Variants in DOCK9 observed in about 807,000 individuals in gnomAD.
The protein encoded by DOCK9 is dedicator of cytokinesis 9.
Under a neutral mutation model 263.3 loss-of-function variants are expected in DOCK9, and 89 were observed. The ratio of observed to expected loss-of-function variants is 0.34; its 90% CI spans 0.28 to 0.40. The LOEUF (loss-of-function observed/expected upper bound fraction) is 0.40, where lower values mean the gene tolerates loss of function less well. Ranked by LOEUF, DOCK9 falls within the 10% of genes least tolerant of loss-of-function variation. The pLI is 1.00. For synonymous variants in DOCK9, 976 were observed against 973.1 expected (o/e 1.00, Z -0.06); for missense variants, 2,140 against 2,603.4 (o/e 0.82, Z 3.87).
intron 2 of DOCK9, among the ~76,000 whole-genome samples, chr13:98,951,651 G>C (rs569670978): frequency 1.3e-5 from 2 of 152,222 alleles, no homozygotes; most frequent in Non-Finnish European, 2.9e-5. Context: ...GGGGGGAAAA[G>C]TTTCTGTGGA....
At chr13:98,970,811 T>C (rs1202600926) in intron 1 of DOCK9, among the ~76,000 whole-genome samples, 2 of 152,184 alleles carry the variant, frequency 1.3e-5, no homozygotes, top group Non-Finnish European at 2.9e-5. Flanking sequence ...CTCACAGTCA[T>C]ATGCTATCTG....
intron 1 of DOCK9, among the ~76,000 whole-genome samples, chr13:99,001,923 A>G (rs1344755597): frequency 2.0e-5 from 3 of 152,142 alleles, no homozygotes; most frequent in Admixed American, 6.5e-5. Flanking sequence ...CTTGACCTGA[A>G]AGTTCCTCAA....
chr13:98,805,431 AC>A (rs2090589592), intron 48 of DOCK9, among the ~76,000 whole-genome samples: 2 of 152,312 alleles, frequency 1.3e-5, no homozygotes, highest in South Asian at 4.1e-4. Context: ...ACACACACAG[AC>A]ATACAGACTT....
chr13:98,904,803 G>T (rs2048841788), intron 9 of DOCK9, 97 bp from the exon 10 acceptor site: 3 of 1,084,434 alleles, frequency 2.8e-6, no homozygotes, highest in Non-Finnish European at 3.9e-6. Context: ...GAAGGTTGAG[G>T]CTGCTGGAAA....
intron 27 of DOCK9, chr13:98,872,060 G>C (rs1050658785): frequency 1.3e-4 from 20 of 152,538 alleles, no homozygotes; most frequent in African/African-American, 4.1e-4. Flanking sequence ...CCGCCCTACA[G>C]GTCATCTGCT....
At chr13:98,937,576 A>G (rs189971842) in intron 2 of DOCK9, among the ~76,000 whole-genome samples, 2 of 152,344 alleles carry the variant, frequency 1.3e-5, no homozygotes, top group East Asian at 1.9e-4. Flanking sequence ...GGAGTCTTAT[A>G]GGAAGTTCCA....
At chr13:98,864,902 ACTC>A (rs2093978329) in intron 30 of DOCK9, among the ~76,000 whole-genome samples, 1 of 150,978 alleles carries the variant, frequency 6.6e-6, no homozygotes, top group South Asian at 2.1e-4. Context: ...GTGGCGCCTC[ACTC>A]CTCGTCTCTT....
chr13:99,006,270 G>A (rs563028847), intron 1 of DOCK9, among the ~76,000 whole-genome samples: 21 of 152,224 alleles, frequency 1.4e-4, no homozygotes, highest in Non-Finnish European at 2.1e-4. Flanking sequence ...GCTGCTAGGA[G>A]TGTAACTTGG....
At chr13:98,940,694 T>C (rs1312248404) in intron 2 of DOCK9, among the ~76,000 whole-genome samples, 1 of 92,708 alleles carries the variant, frequency 1.1e-5, no homozygotes, top group Non-Finnish European at 2.6e-5. Context: ...TCTGCCTCTC[T>C]AACTGCTCCT....
At position 98,810,264 on chromosome 13, in the gene DOCK9, A is replaced by T. The variant is rs1284330741; in HGVS notation, c.5158T>A (p.Cys1720Ser). The T allele has an allele frequency of 6.2e-7, 1 of 1,613,820 alleles. No individual in the cohort carries two copies. Reference protein sequence around the residue: ...EDVLMELLEQCADGLWKAERY... With the variant: ...EDVLMELLEQSADGLWKAERY... Reference sequence around the variant, plus strand: ...TCGGCTTTCCAGAGTCCATCTGCGCACTGCTCAAGGAGCTCCATCAGCACA... The same window carrying T: ...TCGGCTTTCCAGAGTCCATCTGCGCTCTGCTCAAGGAGCTCCATCAGCACA... Residue 1720 changes from cysteine to serine, a missense_variant, in exon 46 of 53, where the codon TGC (cysteine) becomes AGC (serine). Physicochemically the swap from Cys to Ser is moderately radical, Grantham distance 112 (BLOSUM62 -1). Transcript: ENST00000682017.
chr13:98,855,305 G>A (rs1297251695), intron 34 of DOCK9, among the ~76,000 whole-genome samples: 2 of 152,204 alleles, frequency 1.3e-5, no homozygotes, highest in African/African-American at 4.8e-5. Context: ...CAGGTGTAGT[G>A]GCTCACGCCT....
Position 98,829,873 on chromosome 13 carries a change from C to G in DOCK9, c.4636-117G>C. 1.3e-6 allele frequency: 1 copy of G among 797,398 alleles called. No individual in the cohort carries two copies. Among genetic ancestry groups the G allele is most frequent in the Non-Finnish European group, 2.1e-6 (1 of 476,122 alleles). The allele number at this position is 797,398 out of a possible 1,614,324, so 49.4% of individuals were successfully genotyped here. On this transcript the variant is annotated intron_variant, in intron 41 of 52. Transcript: ENST00000682017. This position sits in a 1 kb window ranked among gnomAD's most constrained non-coding sequence, Gnocchi z 4.1. Reference sequence around the variant, plus strand: ...CCAGCAAAGTGGGGGTTGGGGGGTGCTTTGAGCAGGGGTCGCTCCGTGTAG... The same window carrying G: ...CCAGCAAAGTGGGGGTTGGGGGGTGGTTTGAGCAGGGGTCGCTCCGTGTAG...
intron 1 of DOCK9, among the ~76,000 whole-genome samples, chr13:98,956,515 G>A (rs1203765205): frequency 1.3e-5 from 2 of 152,070 alleles, no homozygotes; most frequent in African/African-American, 4.8e-5. Context: ...TGAGGGCCGA[G>A]ATGGGTGGGT....
intron 5 of DOCK9, among the ~76,000 whole-genome samples, 171 bp from the exon 6 acceptor site, chr13:98,922,317 G>A (rs183927750): frequency 2.6e-5 from 4 of 152,240 alleles, no homozygotes; most frequent in East Asian, 1.9e-4. Context: ...TCCACTTAGC[G>A]GTGAAAGAGA....
chr13:98,851,468 CCT>C (rs1361326147), intron 35 of DOCK9, among the ~76,000 whole-genome samples: 2 of 152,164 alleles, frequency 1.3e-5, no homozygotes, highest in Admixed American at 1.3e-4. Flanking sequence ...CCTGCAGACC[CCT>C]GTGGCCACCC....
intron 32 of DOCK9, among the ~76,000 whole-genome samples, chr13:98,861,893 T>C (rs895078350): frequency 1.3e-5 from 2 of 152,224 alleles, no homozygotes; most frequent in African/African-American, 4.8e-5. Flanking sequence ...ATCCCTGATG[T>C]CCAGTCTCAC....
intron 1 of DOCK9, among the ~76,000 whole-genome samples, chr13:98,987,600 A>G (rs1878766049): frequency 1.3e-5 from 2 of 152,256 alleles, no homozygotes; most frequent in Non-Finnish European, 2.9e-5. Flanking sequence ...ACCTAAAGCT[A>G]GAAGTCAATA....
At chr13:99,011,032 G>A in intron 1 of DOCK9, among the ~76,000 whole-genome samples, 1 of 152,100 alleles carries the variant, frequency 6.6e-6, no homozygotes, top group Non-Finnish European at 1.5e-5. Flanking sequence ...TGAGTAGCTG[G>A]GATTACAGGC....
intron 34 of DOCK9, 55 bp downstream of exon 34, chr13:98,855,843 T>G: frequency 6.2e-7 from 1 of 1,600,528 alleles, no homozygotes; most frequent in Non-Finnish European, 8.5e-7. Flanking sequence ...TACGTTTACT[T>G]TGGGCTAAAT....
Sources: allele counts gnomAD v4.1 joint callset (sites outside exome capture counted in the v4.1 genomes callset), GRCh38; gene constraint gnomAD v4.1.1; non-coding constraint Gnocchi (gnomAD v3.1); transcripts MANE v1.5; gene names NCBI Gene and HGNC (gene_info 2026-07-23, HGNC 2026-07-21).